The following NAA35 variants were observed in gnomAD, a reference collection of about 807,000 sequenced individuals.
NAA35 encodes the protein MAK10 homolog, amino-acid N-acetyltransferase subunit.
In NAA35, 18 loss-of-function variants were observed where a neutral mutation model predicts 101.7. The observed-to-expected ratio is 0.18, with a 90% CI of 0.12 to 0.26. The LOEUF is 0.26. NAA35 is among the 10% of genes least tolerant of loss of function. The probability of loss-of-function intolerance (pLI) is 1.00; values close to 1 mark genes in which losing one functional copy is unlikely to be tolerated. For synonymous variants in NAA35, 267 were observed against 273.1 expected (o/e 0.98, Z 0.22); for missense variants, 601 against 886.8 (o/e 0.68, Z 4.09).
rs75365718 is a variant in NAA35, at chr9:85,985,419, G to A, written c.877+7038G>A. 3.1e-4 allele frequency among the ~76,000 whole-genome samples: 47 copies of A among 152,300 alleles called. No homozygotes were observed. The East Asian group carries it at 8.9e-3, about 29-fold the overall frequency. On this transcript the variant is annotated intron_variant, in intron 11 of 22. Coordinates refer to ENST00000361671, the MANE Select transcript of NAA35 (RefSeq NM_024635.4). ...ATATCCATGTAGTGGTGTATTATTT[G>A]TCAACAAAAAGAAATGAAGTACTGA...
In NAA35 at chr9:86,025,397, T is replaced by TGAA. The variant is rs907073212; in HGVS notation, c.*3441_*3443dup. Reference sequence around the variant, plus strand: ...GAGGAAAGAGCGACTCAACTGGGCTTGAAGAACTGACTTCCCCATATTCAT... The same window carrying TGAA: ...GAGGAAAGAGCGACTCAACTGGGCTTGAAGAAGAACTGACTTCCCCATATTCAT... On this transcript the variant is annotated 3_prime_UTR_variant, in exon 23 of 23. Coordinates refer to ENST00000361671, the MANE Select transcript of NAA35 (RefSeq NM_024635.4). Among the ~76,000 whole-genome samples, 3 of 152,142 alleles carry TGAA rather than the reference T, an allele frequency of 2.0e-5. No individual in the cohort carries two copies. The highest frequency in any genetic ancestry group is 4.4e-5 in the Non-Finnish European group (3 of 68,034).
chr9:85,979,761 C>G (rs1454414024), intron 11 of NAA35, among the ~76,000 whole-genome samples: 1 of 152,212 alleles, frequency 6.6e-6, no homozygotes, highest in Non-Finnish European at 1.5e-5. Flanking sequence ...GTCATCAGTA[C>G]AGAAGACTTG....
chr9:86,008,161 C>G (rs1258455990), intron 14 of NAA35, among the ~76,000 whole-genome samples: 1 of 152,314 alleles, frequency 6.6e-6, no homozygotes, highest in African/African-American at 2.4e-5. Context: ...CTCCTAGGTT[C>G]AAGAGATTCT....
chr9:85,997,970 A>G (rs7030060), intron 12 of NAA35, among the ~76,000 whole-genome samples: 7,748 of 152,158 alleles, frequency 0.051, 636 homozygotes, highest in African/African-American at 0.18. Flanking sequence ...GCTGGAGTGC[A>G]GTGGTGTGAT....
chr9:86,006,082 A>G (rs1831629508), intron 13 of NAA35, among the ~76,000 whole-genome samples: 1 of 151,968 alleles, frequency 6.6e-6, no homozygotes, highest in African/African-American at 2.4e-5. Flanking sequence ...GAGGCAGAGA[A>G]TTGCTTGAAG....
At chr9:85,963,263 C>CTTT (rs527736196) in intron 6 of NAA35, among the ~76,000 whole-genome samples, 357 of 72,206 alleles carry the variant, frequency 4.9e-3, no homozygotes, top group Non-Finnish European at 5.9e-3. Flanking sequence ...GAAGGTATGG[C>CTTT]TTTTTTTTTT....
chr9:85,995,509 G>A (rs189882392), intron 11 of NAA35, among the ~76,000 whole-genome samples: 33 of 152,074 alleles, frequency 2.2e-4, no homozygotes, highest in Admixed American at 5.9e-4. Flanking sequence ...CTTTATTTGC[G>A]TGGTCCTAAA....
intron 15 of NAA35, among the ~76,000 whole-genome samples, chr9:86,010,661 G>C (rs1457884993): frequency 7.0e-6 from 1 of 143,682 alleles, no homozygotes; most frequent in Non-Finnish European, 1.5e-5. Context: ...TGCAAGCTCC[G>C]CCTCCCGGGT....
chr9:85,964,548 C>A (rs976619075), intron 6 of NAA35, among the ~76,000 whole-genome samples: 5 of 152,206 alleles, frequency 3.3e-5, no homozygotes, highest in African/African-American at 1.2e-4. Context: ...TTATGTCCTG[C>A]ATTTAATTGC....
chr9:85,962,280 C>G, intron 6 of NAA35, 100 bp downstream of exon 6: 1 of 1,128,502 alleles, frequency 8.9e-7, no homozygotes, highest in Non-Finnish European at 1.2e-6. Context: ...CACCTGAGGT[C>G]AGGAGTTTGA....
intron 12 of NAA35, among the ~76,000 whole-genome samples, chr9:85,999,156 GT>G (rs908874654): frequency 1.3e-5 from 2 of 152,020 alleles, no homozygotes; most frequent in African/African-American, 4.8e-5. Flanking sequence ...AATTTTAAAA[GT>G]TCCTAGGAAA....
chr9:85,970,099 TC>T lies in NAA35; in HGVS notation c.517-4865del, dbSNP rs202083189. On this transcript the variant is annotated intron_variant, in intron 6 of 22. Coordinates refer to ENST00000361671, the MANE Select transcript of NAA35 (RefSeq NM_024635.4). ...TGCATGGCTTTTAAGATGCTTTTCT[TC>T]CCTGGTTTGCTACCTCACTGGTGGT... 9.1e-3 allele frequency among the ~76,000 whole-genome samples: 1,380 copies of T among 152,248 alleles called. 15 individuals carry two copies. Among genetic ancestry groups the T allele is most frequent in the African/African-American group, 0.031 (1,282 of 41,526 alleles).
intron 6 of NAA35, among the ~76,000 whole-genome samples, chr9:85,968,843 A>G (rs1409290287): frequency 1.3e-5 from 2 of 152,194 alleles, no homozygotes; most frequent in African/African-American, 2.4e-5. Context: ...TTGTATAAAT[A>G]TTAATGAGAG....
At chr9:85,980,949 A>C (rs1295502368) in intron 11 of NAA35, among the ~76,000 whole-genome samples, 1 of 152,148 alleles carries the variant, frequency 6.6e-6, no homozygotes, top group Non-Finnish European at 1.5e-5. Flanking sequence ...TTACTGATCG[A>C]CACCTCATTC....
rs751223816 is a variant in NAA35, at chr9:86,024,096, A to G, written c.*2136A>G. On this transcript the variant is annotated 3_prime_UTR_variant, in exon 23 of 23. Transcript: ENST00000361671. ...TGAAAAAAACAATAGGAGAAATAAG[A>G]CAGTCTCCTGTCATAGAGCTTTTAT... Among the ~76,000 whole-genome samples the G allele has an allele frequency of 1.2e-4, 19 of 152,260 alleles. No homozygotes were observed. Among genetic ancestry groups the G allele is most frequent in the Non-Finnish European group, 2.5e-4 (17 of 68,044 alleles).
At chr9:86,008,261 C>CTA (rs1390288292) in intron 14 of NAA35, among the ~76,000 whole-genome samples, 1 of 152,180 alleles carries the variant, frequency 6.6e-6, no homozygotes, top group Admixed American at 6.5e-5. Flanking sequence ...TGGGCTTTCG[C>CTA]TATGTTGGCC....
chr9:86,018,286 T>C lies in NAA35; in HGVS notation c.1805T>C (p.Val602Ala). The change falls in exon 20 of 23, where the codon GTA becomes GCA. Residue 602 changes from valine to alanine, a missense_variant. Coordinates refer to ENST00000361671, the MANE Select transcript of NAA35 (RefSeq NM_024635.4). The part of the protein sequence containing the change: ...TMVAFDMDGK[V>A]RKPKFELDSE... Reference sequence around the variant, plus strand: ...GTAGCATTTGACATGGACGGCAAAGTACGTAAACCGAAGTTTGAGCTTGAT... The same window carrying C: ...GTAGCATTTGACATGGACGGCAAAGCACGTAAACCGAAGTTTGAGCTTGAT... The C allele has an allele frequency of 3.1e-6, 5 of 1,613,896 alleles. No individual in the cohort carries two copies. The highest frequency in any genetic ancestry group is 2.2e-5 in the East Asian group (1 of 44,862).
chr9:86,014,019 G>C lies in NAA35; in HGVS notation c.1568+122G>C, dbSNP rs1312137478. On this transcript the variant is annotated intron_variant, in intron 17 of 22. Transcript: ENST00000361671. ...TTTATCTTTAGTTGTGGGACAGTTG[G>C]AAAAATTTGAAAATTAGAGCTAGAT... 9 of 731,862 alleles carry C rather than the reference G, an allele frequency of 1.2e-5. No individual in the cohort carries two copies. The African/African-American group carries it at 1.4e-4, about 12-fold the overall frequency. The allele number at this position is 731,862 out of a possible 1,614,324, so 45.3% of individuals were successfully genotyped here. A position where few individuals can be genotyped will look rare whatever the true frequency, so the allele number is the denominator to read the frequency against.
In NAA35 at chr9:85,941,211, C is replaced by G. The variant is rs538323106; in HGVS notation, c.-68C>G. 3.2e-5 allele frequency: 32 copies of G among 986,576 alleles called. No individual in the cohort carries two copies. In the African/African-American group the frequency reaches 5.2e-4, roughly 16 times the overall value. The allele number at this position is 986,576 out of a possible 1,614,324, so 61.1% of individuals were successfully genotyped here. A position where few individuals can be genotyped will look rare whatever the true frequency, so the allele number is the denominator to read the frequency against. On this transcript the variant is annotated 5_prime_UTR_variant, in exon 1 of 23. Coordinates refer to ENST00000361671, the MANE Select transcript of NAA35 (RefSeq NM_024635.4). ...GGGGAGGGGGCGGCGGCGGCCGAGG[C>G]GGCGTCGTTATTTCCGTGGTCCGGA...
Sources: gnomAD v4.1 joint callset for allele counts (sites outside exome capture counted in the v4.1 genomes callset) on GRCh38, gnomAD v4.1.1 for gene constraint, MANE v1.5 for transcripts, NCBI Gene and HGNC (gene_info 2026-07-23, HGNC 2026-07-21) for gene names.